RBFOX1: variants seen among roughly 807,000 people sequenced by gnomAD.
The protein encoded by RBFOX1 is RNA binding protein fox-1 homolog 1.
Under a neutral mutation model 57.7 loss-of-function variants are expected in RBFOX1, and 8 were observed. That is an observed-to-expected ratio of 0.14 (90% CI 0.08 to 0.25). The LOEUF (loss-of-function observed/expected upper bound fraction) is 0.25. Ranked by LOEUF, RBFOX1 falls within the 10% of genes least tolerant of loss-of-function variation. The pLI, the probability that RBFOX1 is intolerant of heterozygous loss-of-function variation, is 1.00. For synonymous variants in RBFOX1, 326 were observed against 222.4 expected, an observed-to-expected ratio of 1.47 and a Z score of -4.15; for missense variants, 611 against 548.5, an observed-to-expected ratio of 1.11 and a Z score of -1.14.
intron 3 of RBFOX1, among the ~76,000 whole-genome samples, chr16:6,971,925 T>C (rs77067861): frequency 0.055 from 8,313 of 152,164 alleles, 251 homozygotes; most frequent in African/African-American, 0.072. Context: ...AGATGGGAAC[T>C]GGACCGACTT....
At chr16:7,108,805 G>T (rs1430448638) in intron 4 of RBFOX1, among the ~76,000 whole-genome samples, 1 of 152,180 alleles carries the variant, frequency 6.6e-6, no homozygotes, top group African/African-American at 2.4e-5. Context: ...ATGAAGGCTT[G>T]TTTGTTGTAC....
At chr16:5,414,638 C>T (rs1432582047) in intron 1 of RBFOX1, among the ~76,000 whole-genome samples, 1 of 152,228 alleles carries the variant, frequency 6.6e-6, no homozygotes, top group African/African-American at 2.4e-5. Flanking sequence ...TCCATGGCTT[C>T]TCCCAATATT....
At chr16:6,610,747 C>G (rs1171994317) in intron 2 of RBFOX1, among the ~76,000 whole-genome samples, 1 of 152,218 alleles carries the variant, frequency 6.6e-6, no homozygotes. Context: ...CAAACAATCA[C>G]TACCATGATA....
chr16:5,487,755 G>C (rs947896677), intron 2 of RBFOX1, among the ~76,000 whole-genome samples: 2 of 152,142 alleles, frequency 1.3e-5, no homozygotes, highest in South Asian at 2.1e-4. Context: ...CTTGCCCTCA[G>C]TATGCTCTGC....
intron 3 of RBFOX1, among the ~76,000 whole-genome samples, chr16:6,873,674 TGTGA>T (rs1311570657): frequency 1.3e-5 from 2 of 152,132 alleles, no homozygotes; most frequent in African/African-American, 2.4e-5. Flanking sequence ...AGAAGGAAAA[TGTGA>T]GTATTTATGG....
In RBFOX1 at chr16:5,424,994, T is replaced by TTTCTTTCTTTTTTTCTTTC. The variant is rs58404221; in HGVS notation, c.220-42220_220-42219insCTTTCTTTTTTTCTTTCTT. Among the ~76,000 whole-genome samples the TTTCTTTCTTTTTTTCTTTC allele has an allele frequency of 5.5e-4, 49 of 89,642 alleles. 4 individuals carry two copies. Among genetic ancestry groups the TTTCTTTCTTTTTTTCTTTC allele is most frequent in the Admixed American group, 5.3e-3 (42 of 7,854 alleles). 58.8% of individuals were successfully genotyped at this position (89,642 alleles called of 152,430 possible). ...TCTTTCTTTCTTTTCTTTTCTTTTC[T>TTTCTTTCTTTTTTTCTTTC]TTTCTTTTCTTTTCTTTTCTTTCTT... is the stretch of plus-strand genomic sequence containing the variant. On this transcript the variant is annotated intron_variant, in intron 1 of 2. Coordinates refer to the RBFOX1 transcript ENST00000585867.
intron 1 of RBFOX1, among the ~76,000 whole-genome samples, chr16:6,091,904 T>A (rs547593436): frequency 6.6e-6 from 1 of 152,318 alleles, no homozygotes; most frequent in African/African-American, 2.4e-5. Context: ...TTACTTTTGC[T>A]TCTGCTACTG....
rs1182238805 is a variant in RBFOX1 at position 5,511,099 on chromosome 16, G to A, written c.258+43845G>A. Among the ~76,000 whole-genome samples the A allele has an allele frequency of 3.9e-5, 6 of 152,206 alleles. No homozygotes were observed. The East Asian group carries it at 9.6e-4, about 24-fold the overall frequency. On this transcript the variant is annotated intron_variant, in intron 2 of 2. Transcript: ENST00000585867. ...GAAAAAAAACAGTGTGGTTTGTTTT[G>A]CCAGATTGTCTTCAAAGGAATTAGA... is the stretch of plus-strand genomic sequence containing the variant.
intron 4 of RBFOX1, among the ~76,000 whole-genome samples, chr16:7,312,187 C>G (rs988349315): frequency 1.3e-5 from 2 of 152,198 alleles, no homozygotes; most frequent in African/African-American, 2.4e-5. Flanking sequence ...TGAGACCAGC[C>G]TGGCCTACAT....
intron 3 of RBFOX1, among the ~76,000 whole-genome samples, chr16:6,848,546 AAAAG>A (rs1166410690): frequency 6.6e-6 from 1 of 151,954 alleles, no homozygotes; most frequent in African/African-American, 2.4e-5. Context: ...GATATATAGA[AAAAG>A]AAAAGAAGAG....
chr16:5,562,297 A>G (rs1888037588), intron 2 of RBFOX1, among the ~76,000 whole-genome samples: 1 of 152,192 alleles, frequency 6.6e-6, no homozygotes, highest in African/African-American at 2.4e-5. Context: ...CAGCAGTCCT[A>G]CTTAGAAGTC....
intron 4 of RBFOX1, among the ~76,000 whole-genome samples, chr16:7,227,808 C>A (rs1215051444): frequency 6.6e-6 from 1 of 152,224 alleles, no homozygotes; most frequent in Non-Finnish European, 1.5e-5. Flanking sequence ...CTCATCACGG[C>A]AGCTGCATGT....
intron 3 of RBFOX1, among the ~76,000 whole-genome samples, chr16:5,857,069 A>G (rs1243516176): frequency 2.3e-4 from 35 of 152,126 alleles, no homozygotes. Context: ...TCAAGGTGAG[A>G]AACATGTGAC....
chr16:6,580,417 T>G (rs993291434), intron 2 of RBFOX1, among the ~76,000 whole-genome samples: 2 of 152,204 alleles, frequency 1.3e-5, no homozygotes, highest in Non-Finnish European at 2.9e-5. Flanking sequence ...ATGTGGTCAT[T>G]GAAGAGCTAG....
chr16:6,626,605 C>A (rs1473052163), intron 2 of RBFOX1, among the ~76,000 whole-genome samples: 3 of 151,960 alleles, frequency 2.0e-5, no homozygotes, highest in Non-Finnish European at 4.4e-5. Context: ...ACTAAAAATA[C>A]AGAAATTAGC....
chr16:6,788,703 C>G (rs2082390783), intron 3 of RBFOX1, among the ~76,000 whole-genome samples: 1 of 151,822 alleles, frequency 6.6e-6, no homozygotes, highest in Non-Finnish European at 1.5e-5. Context: ...TCTCTATCTC[C>G]TGATCTCGTG....
chr16:5,365,301 A>G (rs749811891), intron 1 of RBFOX1, among the ~76,000 whole-genome samples: 17 of 152,070 alleles, frequency 1.1e-4, no homozygotes, highest in Middle Eastern at 3.4e-3. Context: ...ATGAGCAAAC[A>G]CATATGCAGC....
chr16:7,139,848 G>A (rs1184913251), intron 4 of RBFOX1, among the ~76,000 whole-genome samples: 2 of 152,046 alleles, frequency 1.3e-5, no homozygotes, highest in Admixed American at 1.3e-4. Flanking sequence ...TAAGGAATGA[G>A]GAATTGAGGA....
intron 4 of RBFOX1, among the ~76,000 whole-genome samples, chr16:7,497,929 C>G (rs1164592342): frequency 6.6e-6 from 1 of 152,050 alleles, no homozygotes; most frequent in African/African-American, 2.4e-5. Context: ...AGAAAGCTGC[C>G]CAGTATAAAT....
Sources: allele counts gnomAD v4.1 joint callset (sites outside exome capture counted in the v4.1 genomes callset), GRCh38; gene constraint gnomAD v4.1.1; transcripts MANE v1.5; gene names NCBI Gene and HGNC (gene_info 2026-07-23, HGNC 2026-07-21).